Variants in CREB5 observed in about 807,000 individuals in gnomAD.
The protein encoded by CREB5 is cyclic AMP-responsive element-binding protein 5.
CREB5 carries 19 observed loss-of-function variants against 57.1 expected under a neutral mutation model. The observed-to-expected ratio is 0.33, with a 90% confidence interval of 0.23 to 0.49. CREB5 has a LOEUF of 0.49. Ranked by LOEUF, CREB5 falls within the 20% of genes least tolerant of loss-of-function variation. The probability of loss-of-function intolerance (pLI) is 0.99; values close to 1 mark genes in which losing one functional copy is unlikely to be tolerated. For synonymous variants in CREB5, 238 were observed against 238.3 expected (o/e 1.00, Z 0.01); for missense variants, 579 against 671.6 (o/e 0.86, Z 1.52).
At chr7:28,589,535 CAG>C (rs200077499) in intron 5 of CREB5, among the ~76,000 whole-genome samples, 4,002 of 152,260 alleles carry the variant, frequency 0.026, 93 homozygotes, top group South Asian at 0.044. Context: ...GGCTGGGCGA[CAG>C]AGCGACACTC....
chr7:28,381,264 C>A (rs1786960900), intron 1 of CREB5, among the ~76,000 whole-genome samples: 2 of 152,060 alleles, frequency 1.3e-5, no homozygotes. Flanking sequence ...TCTTTTAACC[C>A]CAAGGAGGGA....
intron 5 of CREB5, among the ~76,000 whole-genome samples, chr7:28,639,251 T>A (rs1798551105): frequency 6.6e-6 from 1 of 152,220 alleles, no homozygotes; most frequent in Admixed American, 6.5e-5. Context: ...TCCAATATTC[T>A]GATGCAAACG....
rs143281323 is a variant in CREB5, at chr7:28,709,417, T to A, written c.465-9336T>A. On this transcript the variant is annotated intron_variant, in intron 5 of 10. Transcript: ENST00000357727. ...GAATCAAGCTGACTGCATGACTAAT[T>A]CAGATTAATGGTGCAGAAATCAGTC... Among the ~76,000 whole-genome samples, 130 of 152,298 alleles carry A rather than the reference T, an allele frequency of 8.5e-4. 1 individual carries two copies. The highest frequency in any genetic ancestry group is 3.0e-3 in the African/African-American group (124 of 41,576).
intron 5 of CREB5, among the ~76,000 whole-genome samples, chr7:28,589,449 G>A (rs1410840253): frequency 6.6e-6 from 1 of 152,122 alleles, no homozygotes; most frequent in East Asian, 1.9e-4. Context: ...AGCTACTCGG[G>A]AGGCTGAGGC....
rs118096020 is a variant in CREB5, at chr7:28,800,736, G to T, written c.703-3463G>T. Among the ~76,000 whole-genome samples, 193 of 152,236 alleles carry T rather than the reference G, an allele frequency of 1.3e-3. 1 individual carries two copies. Among genetic ancestry groups the T allele is most frequent in the Admixed American group, 3.8e-3 (58 of 15,312 alleles). On this transcript the variant is annotated intron_variant, in intron 7 of 10. Coordinates refer to ENST00000357727, the MANE Select transcript of CREB5 (RefSeq NM_182898.4). ...AAAGAGTGCATCCAGGTCCCTAGCT[G>T]TGTGCTGAGTAACACTTGCACGTGG...
At chr7:28,778,403 A>C (rs771817225) in intron 7 of CREB5, among the ~76,000 whole-genome samples, 7 of 152,192 alleles carry the variant, frequency 4.6e-5, no homozygotes, top group African/African-American at 7.2e-5. Context: ...TTACTCCTAC[A>C]CACCTGAATT....
chr7:28,496,527 G>T (rs746139073), intron 3 of CREB5, among the ~76,000 whole-genome samples: 1 of 152,146 alleles, frequency 6.6e-6, no homozygotes, highest in Non-Finnish European at 1.5e-5. Context: ...TGGAGCTTCT[G>T]TCCCAGGCTC....
At chr7:28,452,666 G>A (rs1424014232) in intron 1 of CREB5, among the ~76,000 whole-genome samples, 2 of 152,184 alleles carry the variant, frequency 1.3e-5, no homozygotes, top group African/African-American at 4.8e-5. Flanking sequence ...AGCCCCATGA[G>A]AGCTGGGGCC....
intron 5 of CREB5, among the ~76,000 whole-genome samples, chr7:28,592,509 G>A (rs886742810): frequency 6.6e-6 from 1 of 152,136 alleles, no homozygotes; most frequent in African/African-American, 2.4e-5. Flanking sequence ...GGGAGCAAGG[G>A]GGGGTTGACA....
chr7:28,495,956 G>A (rs777072250), intron 3 of CREB5, among the ~76,000 whole-genome samples: 1 of 151,096 alleles, frequency 6.6e-6, no homozygotes, highest in Non-Finnish European at 1.5e-5. Flanking sequence ...ATTTTGAGAG[G>A]TAGTACGGCA....
intron 7 of CREB5, among the ~76,000 whole-genome samples, chr7:28,727,310 T>C (rs1236354920): frequency 6.6e-6 from 1 of 152,158 alleles, no homozygotes; most frequent in Non-Finnish European, 1.5e-5. Flanking sequence ...TCTGAGAGGC[T>C]TCTGTCTTTC....
chr7:28,755,556 T>G (rs116458707), intron 7 of CREB5, among the ~76,000 whole-genome samples: 10 of 152,222 alleles, frequency 6.6e-5, no homozygotes, highest in African/African-American at 2.2e-4. Flanking sequence ...CACTGGAGGA[T>G]TAGGAGTAGG....
At chr7:28,484,611 C>G (rs151043583) in intron 1 of CREB5, among the ~76,000 whole-genome samples, 1 of 152,294 alleles carries the variant, frequency 6.6e-6, no homozygotes, top group Non-Finnish European at 1.5e-5. Context: ...GACTTTTATT[C>G]CAGTATTACG....
intron 7 of CREB5, among the ~76,000 whole-genome samples, chr7:28,744,702 C>T (rs989043770): frequency 6.6e-6 from 1 of 152,140 alleles, no homozygotes; most frequent in African/African-American, 2.4e-5. Flanking sequence ...ATACTGAGGT[C>T]CCGGAGTTAG....
chr7:28,608,387 C>CTGTTT (rs1797246505), intron 5 of CREB5, among the ~76,000 whole-genome samples: 1 of 152,026 alleles, frequency 6.6e-6, no homozygotes, highest in Non-Finnish European at 1.5e-5. Context: ...TTTGGGAATT[C>CTGTTT]TGTTTTGTTT....
intron 4 of CREB5, 152 bp from the exon 5 acceptor site, chr7:28,570,213 A>G (rs1795641098): frequency 1.4e-6 from 1 of 700,846 alleles, no homozygotes; most frequent in Admixed American, 2.9e-5. Flanking sequence ...GCTGTATGTT[A>G]TAACAAGATG....
intron 6 of CREB5, 31 bp from the exon 7 acceptor site, chr7:28,724,191 A>G: frequency 6.3e-7 from 1 of 1,589,764 alleles, no homozygotes; most frequent in Middle Eastern, 1.7e-4. Context: ...GCCTTTGCAG[A>G]CTTCTAATTC....
chr7:28,385,829 G>A (rs1787080974), intron 1 of CREB5, among the ~76,000 whole-genome samples: 1 of 152,110 alleles, frequency 6.6e-6, no homozygotes, highest in African/African-American at 2.4e-5. Context: ...CAGATATAAT[G>A]CAGTCACACG....
At chr7:28,750,571 A>G (rs1440924550) in intron 7 of CREB5, among the ~76,000 whole-genome samples, 1 of 150,142 alleles carries the variant, frequency 6.7e-6, no homozygotes, top group African/African-American at 2.5e-5. Flanking sequence ...AATGTAAGAA[A>G]TACATGTAGA....
Sources: gnomAD v4.1 joint callset for allele counts (sites outside exome capture counted in the v4.1 genomes callset) on GRCh38, gnomAD v4.1.1 for gene constraint, MANE v1.5 for transcripts, NCBI Gene and HGNC (gene_info 2026-07-23, HGNC 2026-07-21) for gene names.